DNAH10: variants seen among roughly 807,000 people sequenced by gnomAD.
DNAH10 encodes the protein dynein axonemal heavy chain 10.
DNAH10 carries 348 observed loss-of-function variants against 506.6 expected under a neutral mutation model. That is an observed-to-expected ratio of 0.69 (90% CI 0.63 to 0.75). The LOEUF (loss-of-function observed/expected upper bound fraction) is 0.75, where lower values mean the gene tolerates loss of function less well. DNAH10 is among the 30% of genes least tolerant of loss of function. The pLI is 0.00. For synonymous variants in DNAH10, 2,059 were observed against 2,198.6 expected, an observed-to-expected ratio of 0.94 and a Z score of 1.78; for missense variants, 5,179 against 5,787.1, an observed-to-expected ratio of 0.89 and a Z score of 3.41.
At position 123,762,507 on chromosome 12, in the gene DNAH10, C is replaced by T; in HGVS notation, c.171C>T (p.Phe57=). The T allele has an allele frequency of 6.5e-7, 1 of 1,541,898 alleles. No individual in the cohort carries two copies. The change falls in exon 1 of 79, where the codon TTC becomes TTT. Residue 57 remains phenylalanine (F), a synonymous_variant. Transcript: ENST00000673944. The surrounding 1 kb of genome is among the most constrained non-coding windows in gnomAD (Gnocchi z 5.0). ...ASEEEGPSAL[F]IYRTMVPEEV... ...AGGAGGAGGGGCCCTCGGCGCTCTT[C>T]ATCTACCGCACTATGGTGCCGGAGG...
At chr12:123,908,064 G>GCTGTCTCCTCCCTGTCTCT (rs1299930696) in intron 57 of DNAH10, among the ~76,000 whole-genome samples, 6 of 137,298 alleles carry the variant, frequency 4.4e-5, no homozygotes, top group African/African-American at 1.8e-4. Context: ...GTCTGCTCAG[G>GCTGTCTCCTCCCTGTCTCT]CTGTCTCCTC....
At position 123,850,951 on chromosome 12, in the gene DNAH10, T is replaced by C. The variant is rs774268595; in HGVS notation, c.6166T>C (p.Tyr2056His). The C allele has an allele frequency of 1.9e-6, 3 of 1,614,020 alleles. No individual in the cohort carries two copies. Among genetic ancestry groups the C allele is most frequent in the Non-Finnish European group, 2.5e-6 (3 of 1,179,946 alleles). The part of the protein sequence containing the change: ...MGIFITMNPG[Y>H]AGRTELPESV... ...CATCTTCATCACCATGAACCCCGGC[T>C]ACGCAGGCCGCACGGAGCTGCCCGA... is the stretch of plus-strand genomic sequence containing the variant. Residue 2056 changes from tyrosine to histidine, a missense_variant, in exon 35 of 79, where the codon TAC becomes CAC. Tyr to His is a moderately conservative substitution (Grantham distance 83). Transcript: ENST00000673944. This position sits in a 1 kb window ranked among gnomAD's most constrained non-coding sequence, Gnocchi z 5.5.
Position 123,887,272 on chromosome 12 carries a change from A to C in DNAH10, c.8954A>C (p.Glu2985Ala). Residue 2985 changes from glutamate to alanine, a missense_variant, in exon 52 of 79, where the codon GAG becomes GCG. This residue lies in a region of DNAH10 where 4,844 missense variants were observed against 5,430.5 expected (regional missense o/e 0.89). Transcript: ENST00000673944. ...IFLFTDAHVA[E>A]EGFLELINNM... ...CTGTTCACGGATGCCCATGTGGCTG[A>C]GGAGGGCTTCCTGGAGCTCATCAAC... 3 of 1,613,976 alleles carry C rather than the reference A, an allele frequency of 1.9e-6. No individual in the cohort carries two copies. The South Asian group carries it at 3.3e-5, about 18-fold the overall frequency.
At position 123,914,991 on chromosome 12, in the gene DNAH10, A is replaced by C. The variant is rs1471972048; in HGVS notation, c.10714A>C (p.Asn3572His). Residue 3572 changes from asparagine to histidine, a missense_variant, in exon 62 of 79, where the codon AAT (asparagine) becomes CAT (histidine). Transcript: ENST00000673944. ...GATCAAGAGAAAAGAGGAGAAGAACAATCTGCGGGTATGGTGGCTCCTCCC... is the reference window on the plus strand; with the variant it reads ...GATCAAGAGAAAAGAGGAGAAGAACCATCTGCGGGTATGGTGGCTCCTCCC... Reference protein sequence around the residue: ...NWIKRKEEKNNLRVASFNDPD... With the variant: ...NWIKRKEEKNHLRVASFNDPD... 6.2e-7 allele frequency: 1 copy of C among 1,607,176 alleles called. No homozygotes were observed. Among genetic ancestry groups the C allele is most frequent in the Non-Finnish European group, 8.5e-7 (1 of 1,177,012 alleles).
At chr12:123,873,160 T>C (rs1952103024) in intron 45 of DNAH10, among the ~76,000 whole-genome samples, 1 of 152,262 alleles carries the variant, frequency 6.6e-6, no homozygotes, top group Non-Finnish European at 1.5e-5. Flanking sequence ...TTGCATCTCA[T>C]ACGATGCAAT....
At position 123,853,034 on chromosome 12, in the gene DNAH10, T is replaced by C. The variant is rs1399937166; in HGVS notation, c.6292-172T>C. Among the ~76,000 whole-genome samples the C allele has an allele frequency of 6.6e-6, 1 of 152,224 alleles. No individual in the cohort carries two copies. Among genetic ancestry groups the C allele is most frequent in the Admixed American group, 6.5e-5 (1 of 15,276 alleles). The stretch of plus-strand genomic sequence containing the variant: ...GTTCCCAATTTGCCATATTTAAAAA[T>C]GAAGGACCCACCCTGGTATTTCTGG... On this transcript the variant is annotated intron_variant, in intron 35 of 78. Transcript: ENST00000673944. The surrounding 1 kb of genome is among the most constrained non-coding windows in gnomAD (Gnocchi z 4.7).
intron 11 of DNAH10, among the ~76,000 whole-genome samples, chr12:123,792,539 A>C (rs1432772053): frequency 6.7e-6 from 1 of 148,802 alleles, no homozygotes; most frequent in East Asian, 1.9e-4. Flanking sequence ...GGCTGACTGC[A>C]ACCTCTGCCT....
chr12:123,898,821 G>A lies in DNAH10; in HGVS notation c.9640+7G>A. ...GCCGTCAACACCGCTGTAGGTGAGT[G>A]AGGGCGGGGCCAGGGCAGCCCATCC... On this transcript the variant is annotated splice_region_variant and intron_variant, in intron 56 of 78. Coordinates refer to ENST00000673944, the MANE Select transcript of DNAH10 (RefSeq NM_001372106.1). The A allele has an allele frequency of 6.2e-7, 1 of 1,601,636 alleles. No homozygotes were observed. The highest frequency in any genetic ancestry group is 8.5e-7 in the Non-Finnish European group (1 of 1,173,268).
chr12:123,926,660 G>T lies in DNAH10; in HGVS notation c.11945G>T (p.Ser3982Ile). ...AGGTATGTGCAGCCCCCAATGATCAGCTTTGAAGCTATTTTTGAGCAGAGC... is the reference window on the plus strand; with the variant it reads ...AGGTATGTGCAGCCCCCAATGATCATCTTTGAAGCTATTTTTGAGCAGAGC... ...GEKYVQPPMI[S>I]FEAIFEQSTP... Residue 3982 changes from serine to isoleucine, a missense_variant, in exon 69 of 79, where the codon AGC (serine) becomes ATC (isoleucine). Around this residue, in one of 3 missense-constraint regions of DNAH10, gnomAD observed 4,844 missense variants for 5,430.5 expected, o/e 0.89. Coordinates refer to ENST00000673944, the MANE Select transcript of DNAH10 (RefSeq NM_001372106.1). The surrounding 1 kb of genome is among the most constrained non-coding windows in gnomAD (Gnocchi z 4.1). 6.2e-7 allele frequency: 1 copy of T among 1,613,778 alleles called. No homozygotes were observed. The highest frequency in any genetic ancestry group is 8.5e-7 in the Non-Finnish European group (1 of 1,179,830).
rs1954477996 is a variant in DNAH10, at chr12:123,916,363, C to T, written c.10723-94C>T. 1.3e-6 allele frequency: 2 copies of T among 1,499,364 alleles called. No individual in the cohort carries two copies. Among genetic ancestry groups the T allele is most frequent in the Non-Finnish European group, 1.8e-6 (2 of 1,117,682 alleles). The allele number at this position is 1,499,364 out of a possible 1,614,324, so 92.9% of individuals were successfully genotyped here. A position where few individuals can be genotyped will look rare whatever the true frequency, so the allele number is the denominator to read the frequency against. ...TCTGGCCCCCTCCAAGTTCCTGGCC[C>T]ATCCACTTCCCACTTCCAAGCCATT... On this transcript the variant is annotated intron_variant, in intron 62 of 78. Coordinates refer to ENST00000673944, the MANE Select transcript of DNAH10 (RefSeq NM_001372106.1). This position sits in a 1 kb window ranked among gnomAD's most constrained non-coding sequence, Gnocchi z 4.6.
At chr12:123,798,097 A>G (rs116981002) in intron 13 of DNAH10, among the ~76,000 whole-genome samples, 4,039 of 152,316 alleles carry the variant, frequency 0.027, 76 homozygotes, top group Non-Finnish European at 0.04. Flanking sequence ...AATCATCTAA[A>G]TCATTTCCTT....
intron 56 of DNAH10, among the ~76,000 whole-genome samples, chr12:123,901,684 A>G (rs10846575): frequency 0.33 from 50,300 of 152,032 alleles, 9,789 homozygotes; most frequent in African/African-American, 0.55. Flanking sequence ...TTTTTGAGAC[A>G]GAGTCTCGCT....
In DNAH10 at chr12:123,833,190, G is replaced by A. The variant is rs199754209; in HGVS notation, c.4622G>A (p.Arg1541Gln). ...AAGTATTGCAAAGGCACACAGGAGC[G>A]AGGCTACATCCTGGGTTCTGTTGAC... The part of the protein sequence containing the change: ...VVKYCKGTQE[R>Q]GYILGSVDEI... The change falls in exon 27 of 79, where the codon CGA becomes CAA. Residue 1541 changes from arginine to glutamine, a missense_variant. By Grantham distance (43) the Arg-to-Gln change is conservative. Coordinates refer to ENST00000673944, the MANE Select transcript of DNAH10 (RefSeq NM_001372106.1). 730 of 1,613,780 alleles carry A rather than the reference G, an allele frequency of 4.5e-4. No homozygotes were observed. The highest frequency in any genetic ancestry group is 5.6e-4 in the Non-Finnish European group (660 of 1,179,880).
rs1224958873 is a variant in DNAH10, at chr12:123,925,455, G to A, written c.11921+251G>A. On this transcript the variant is annotated intron_variant, in intron 68 of 78. Transcript: ENST00000673944. This position sits in a 1 kb window ranked among gnomAD's most constrained non-coding sequence, Gnocchi z 4.0. Reference sequence around the variant, plus strand: ...AGTAGCTACATTAGAAAAGAAATGGGCGCAATTAATTGTAATAACATTTTA... The same window carrying A: ...AGTAGCTACATTAGAAAAGAAATGGACGCAATTAATTGTAATAACATTTTA... The A allele has an allele frequency of 7.7e-6, 3 of 391,124 alleles. No homozygotes were observed. Among genetic ancestry groups the A allele is most frequent in the African/African-American group, 6.2e-5 (3 of 48,610 alleles). 24.2% of individuals were successfully genotyped at this position (391,124 alleles called of 1,614,324 possible). A position where few individuals can be genotyped will look rare whatever the true frequency, so the allele number is the denominator to read the frequency against.
At chr12:123,929,540 C>T (rs780272572) in intron 71 of DNAH10, 56 bp downstream of exon 71, 130 of 1,585,366 alleles carry the variant, frequency 8.2e-5, no homozygotes, top group Non-Finnish European at 9.2e-5. Flanking sequence ...CACTTCCTCC[C>T]GACTTTCCTC....
Position 123,785,572 on chromosome 12 carries a change from G to A in DNAH10, c.1231-174G>A, listed in dbSNP as rs530250513. Among the ~76,000 whole-genome samples the A allele has an allele frequency of 2.0e-5, 3 of 151,316 alleles. No homozygotes were observed. Among genetic ancestry groups the A allele is most frequent in the East Asian group, 1.9e-4 (1 of 5,152 alleles). ...GATCACTTGAGTCCGCAGGGGAGTC[G>A]AGGCTGCAGTAAGCCATGTTTGTGC... On this transcript the variant is annotated intron_variant, in intron 8 of 78. Transcript: ENST00000673944. The surrounding 1 kb of genome is among the most constrained non-coding windows in gnomAD (Gnocchi z 4.1).
At chr12:123,764,878 C>T (rs779177859) in intron 1 of DNAH10, among the ~76,000 whole-genome samples, 21 of 152,114 alleles carry the variant, frequency 1.4e-4, no homozygotes, top group South Asian at 2.1e-4. Context: ...TGCCAGATGG[C>T]GTCGGGTGTT....
intron 24 of DNAH10, among the ~76,000 whole-genome samples, chr12:123,823,774 T>C (rs1212590754): frequency 1.3e-5 from 2 of 152,206 alleles, no homozygotes; most frequent in African/African-American, 2.4e-5. Flanking sequence ...TATGCTCCTT[T>C]AGTTATTTAA....
rs1430957717 is a variant in DNAH10 at position 123,838,553 on chromosome 12, A to C, written c.5000A>C (p.Lys1667Thr). 1.2e-6 allele frequency: 2 copies of C among 1,614,052 alleles called. No homozygotes were observed. Among genetic ancestry groups the C allele is most frequent in the South Asian group, 2.2e-5 (2 of 91,088 alleles). ...CAGAACGTCAGCGAGGGCCTGGAGA[A>C]ATGCCAGAAAAGCCTCAACGACTAC... The part of the protein sequence containing the change: ...DLQNVSEGLE[K>T]CQKSLNDYLD... Residue 1667 changes from lysine (K) to threonine (T), a missense_variant, in exon 29 of 79, where the codon AAA becomes ACA. Around this residue, in one of 3 missense-constraint regions of DNAH10, gnomAD observed 4,844 missense variants for 5,430.5 expected, o/e 0.89. Transcript: ENST00000673944.
Sources: allele counts gnomAD v4.1 joint callset (sites outside exome capture counted in the v4.1 genomes callset), GRCh38; gene constraint gnomAD v4.1.1; regional missense constraint gnomAD v4.1.1; non-coding constraint Gnocchi (gnomAD v3.1); transcripts MANE v1.5; gene names NCBI Gene and HGNC (gene_info 2026-07-23, HGNC 2026-07-21).